Variants in GLUD1 observed in about 807,000 individuals in gnomAD.
GLUD1 encodes the protein glutamate dehydrogenase 1, mitochondrial.
GLUD1 carries 22 observed loss-of-function variants against 56.0 expected under a neutral mutation model. The ratio of observed to expected loss-of-function variants is 0.39; its 90% CI spans 0.28 to 0.56. The LOEUF is 0.56. Among genes scored for constraint, GLUD1 ranks in the 20% least tolerant of loss-of-function variants. GLUD1 has a pLI of 0.58. For synonymous variants in GLUD1, 223 were observed against 269.9 expected (o/e 0.83, Z 1.70); for missense variants, 451 against 732.0 (o/e 0.62, Z 4.43).
At chr10:87,080,697 C>G (rs1841206633) in intron 1 of GLUD1, among the ~76,000 whole-genome samples, 1 of 150,818 alleles carries the variant, frequency 6.6e-6, no homozygotes, top group African/African-American at 2.4e-5. Context: ...AGACCCTCTG[C>G]CCGGCAACCG....
intron 4 of GLUD1, among the ~76,000 whole-genome samples, chr10:87,069,960 C>T (rs1846186815): frequency 6.6e-6 from 1 of 152,246 alleles, no homozygotes; most frequent in African/African-American, 2.4e-5. Flanking sequence ...GACAAAAGGG[C>T]TCTCTGGCGC....
At chr10:87,079,510 T>A (rs1028780124) in intron 1 of GLUD1, among the ~76,000 whole-genome samples, 2 of 152,174 alleles carry the variant, frequency 1.3e-5, no homozygotes, top group African/African-American at 4.8e-5. Context: ...TCAAAATGCT[T>A]CTAAGTAATA....
chr10:87,060,200 A>T lies in GLUD1; in HGVS notation c.1239T>A (p.Ala413=). 2 of 1,611,622 alleles carry T rather than the reference A, an allele frequency of 1.2e-6. No individual in the cohort carries two copies. The highest frequency in any genetic ancestry group is 1.7e-6 in the Non-Finnish European group (2 of 1,177,672). ...TGTTTCTCTCCAGGAAGATCTTGTC[A>T]GCTTCTGGAGTTGTTGGCCCATTGG... ...EGANGPTTPE[A]DKIFLERNIM... Residue 413 remains alanine, a synonymous_variant, in exon 9 of 13, where the codon GCT becomes GCA. Coordinates refer to ENST00000277865, the MANE Select transcript of GLUD1 (RefSeq NM_005271.5).
chr10:87,066,783 G>A (rs1244752510), intron 5 of GLUD1, among the ~76,000 whole-genome samples: 1 of 152,194 alleles, frequency 6.6e-6, no homozygotes, highest in Non-Finnish European at 1.5e-5. Flanking sequence ...GCATGTAGTA[G>A]GCATAAATGT....
At chr10:87,090,005 A>G (rs1019648498) in intron 1 of GLUD1, among the ~76,000 whole-genome samples, 1 of 152,186 alleles carries the variant, frequency 6.6e-6, no homozygotes, top group Non-Finnish European at 1.5e-5. Flanking sequence ...TTATGAATCA[A>G]TGTGCTCTAA....
chr10:87,094,093 C>A lies in GLUD1; in HGVS notation c.445+232G>T. The A allele has an allele frequency of 6.6e-7, 1 of 1,506,998 alleles. No individual in the cohort carries two copies. The highest frequency in any genetic ancestry group is 8.8e-7 in the Non-Finnish European group (1 of 1,130,538). The allele number at this position is 1,506,998 out of a possible 1,614,324, so 93.4% of individuals were successfully genotyped here. ...CATGCAAGATCAGCATATACAGAGG[C>A]CCGGGGTGACGGCGCGGGGGAGGGG... On this transcript the variant is annotated intron_variant, in intron 1 of 12. Coordinates refer to ENST00000277865, the MANE Select transcript of GLUD1 (RefSeq NM_005271.5). This position sits in a 1 kb window ranked among gnomAD's most constrained non-coding sequence, Gnocchi z 6.6.
Position 87,058,877 on chromosome 10 carries a change from C to T in GLUD1, c.1402+273G>A, listed in dbSNP as rs1404234030. Among the ~76,000 whole-genome samples, 14 of 151,514 alleles carry T rather than the reference C, an allele frequency of 9.2e-5. 1 individual carries two copies. Among genetic ancestry groups the T allele is most frequent in the African/African-American group, 2.9e-4 (12 of 41,202 alleles). ...CTGCACTCCAGCCTCGGCGACGGAG[C>T]GAGACTCCCTCTCAAAAAAAGAAAA... On this transcript the variant is annotated intron_variant, in intron 10 of 12. Transcript: ENST00000277865.
chr10:87,061,110 G>C, intron 6 of GLUD1, 58 bp from the exon 7 acceptor site: 2 of 1,471,822 alleles, frequency 1.4e-6, no homozygotes, highest in Non-Finnish European at 1.9e-6. Context: ...GACAGCAAGA[G>C]TCATATTTTG....
At chr10:87,079,935 CCTCTCCCTCTCCCCACGG>C in intron 1 of GLUD1, among the ~76,000 whole-genome samples, 1 of 133,792 alleles carries the variant, frequency 7.5e-6, no homozygotes, top group African/African-American at 2.9e-5. Flanking sequence ...TCCCCCTCTC[CCTCTCCCTCTCCCCACGG>C]TCTCCCTCTC....
At chr10:87,056,467 G>C (rs1197196172) in intron 11 of GLUD1, among the ~76,000 whole-genome samples, 1 of 151,748 alleles carries the variant, frequency 6.6e-6, no homozygotes, top group Non-Finnish European at 1.5e-5. Context: ...CTAATTTTTT[G>C]TATTTTTAGT....
At chr10:87,083,136 G>A (rs945971491) in intron 1 of GLUD1, among the ~76,000 whole-genome samples, 1 of 151,572 alleles carries the variant, frequency 6.6e-6, no homozygotes, top group Non-Finnish European at 1.5e-5. Context: ...ATACTCACAA[G>A]GCTAAGGCGG....
chr10:87,067,496 A>G (rs7076857), intron 5 of GLUD1, among the ~76,000 whole-genome samples: 54,941 of 152,076 alleles, frequency 0.36, 11,492 homozygotes, highest in East Asian at 0.69. Flanking sequence ...AAAGTGCTGG[A>G]ATTATGGGAA....
At chr10:87,060,401 C>A in intron 8 of GLUD1, 160 bp from the exon 9 acceptor site, 1 of 692,568 alleles carries the variant, frequency 1.4e-6, no homozygotes, top group Non-Finnish European at 2.5e-6. Context: ...GTGTATAAAA[C>A]TACCTTTCAC....
intron 4 of GLUD1, among the ~76,000 whole-genome samples, chr10:87,069,430 G>C (rs1164239387): frequency 6.6e-6 from 1 of 151,206 alleles, no homozygotes; most frequent in East Asian, 1.9e-4. Context: ...CAGGAGAATC[G>C]CTTGAATGGA....
rs1183942838 is a variant in GLUD1, at chr10:87,079,655, G to A, written c.446-2999C>T. Among the ~76,000 whole-genome samples the A allele has an allele frequency of 2.0e-5, 3 of 152,240 alleles. No homozygotes were observed. The South Asian group carries it at 6.2e-4, about 32-fold the overall frequency. ...CTCCTAGGATGGGTGTCACGACTGC[G>A]AGGAACATCGCACATGGGGAATCTG... On this transcript the variant is annotated intron_variant, in intron 1 of 12. Coordinates refer to ENST00000277865, the MANE Select transcript of GLUD1 (RefSeq NM_005271.5).
Position 87,060,917 on chromosome 10 carries a change from A to G in GLUD1, c.1057T>C (p.Leu353=). The change falls in exon 7 of 13, where the codon TTG becomes CTG. Residue 353 remains leucine (L), a splice_region_variant and synonymous_variant. Transcript: ENST00000277865. Reference sequence around the variant, plus strand: ...ATGCTATAAAAATGTATTAATACCAATTTGAAGTCTTCCAGTTCCTTTGGG... The same window carrying G: ...ATGCTATAAAAATGTATTAATACCAGTTTGAAGTCTTCCAGTTCCTTTGGG... The part of the protein sequence containing the change: ...IDPKELEDFK[L]QHGSILGFPK... 1 of 1,614,114 alleles carries G rather than the reference A, an allele frequency of 6.2e-7. No individual in the cohort carries two copies. Among genetic ancestry groups the G allele is most frequent in the South Asian group, 1.1e-5 (1 of 91,078 alleles).
chr10:87,094,055 A>G lies in GLUD1; in HGVS notation c.445+270T>C, dbSNP rs1841631625. 2 of 1,508,578 alleles carry G rather than the reference A, an allele frequency of 1.3e-6. No individual in the cohort carries two copies. Among genetic ancestry groups the G allele is most frequent in the African/African-American group, 2.8e-5 (2 of 72,194 alleles). 93.4% of individuals were successfully genotyped at this position (1,508,578 alleles called of 1,614,324 possible). A position where few individuals can be genotyped will look rare whatever the true frequency, so the allele number is the denominator to read the frequency against. ...ACCGGGACCAAAAGGAGACCGGTGC[A>G]GCGTCTACTCTGCATGCAAGATCAG... On this transcript the variant is annotated intron_variant, in intron 1 of 12. Coordinates refer to ENST00000277865, the MANE Select transcript of GLUD1 (RefSeq NM_005271.5). This position sits in a 1 kb window ranked among gnomAD's most constrained non-coding sequence, Gnocchi z 6.6.
chr10:87,059,304 A>G (rs1357316156), intron 9 of GLUD1, 31 bp from the exon 10 acceptor site: 1 of 1,610,392 alleles, frequency 6.2e-7, no homozygotes, highest in Non-Finnish European at 8.5e-7. Flanking sequence ...AAGAAATTAG[A>G]AGATGATGGT....
chr10:87,058,030 AGCTAATTTTTT>A (rs2133789963), intron 10 of GLUD1, among the ~76,000 whole-genome samples: 1 of 152,092 alleles, frequency 6.6e-6, no homozygotes, highest in South Asian at 2.1e-4. Flanking sequence ...CACCACGCCC[AGCTAATTTTTT>A]GTATTTTTAG....
Sources: gnomAD v4.1 joint callset for allele counts (sites outside exome capture counted in the v4.1 genomes callset) on GRCh38, gnomAD v4.1.1 for gene constraint, Gnocchi (gnomAD v3.1) non-coding constraint, MANE v1.5 for transcripts, NCBI Gene and HGNC (gene_info 2026-07-23, HGNC 2026-07-21) for gene names.